GIN1: variants seen among roughly 807,000 people sequenced by gnomAD.
The protein encoded by GIN1 is gypsy retrotransposon integrase-like protein 1.
In GIN1, 41 loss-of-function variants were observed where a neutral mutation model predicts 51.4. That is an observed-to-expected ratio of 0.80 (90% CI 0.62 to 1.04). GIN1 has a LOEUF of 1.04. GIN1 is among the 50% of genes least tolerant of loss of function. GIN1 has a pLI of 0.00. For missense variants in GIN1, 610 were observed against 612.4 expected, an observed-to-expected ratio of 1.00 and a Z score of 0.04; for synonymous variants, 222 against 206.5, an observed-to-expected ratio of 1.07 and a Z score of -0.64.
At chr5:103,115,059 G>A (rs1787994024) in intron 1 of GIN1, among the ~76,000 whole-genome samples, 1 of 152,182 alleles carries the variant, frequency 6.6e-6, no homozygotes, top group South Asian at 2.1e-4. Context: ...AAGGCAAGGA[G>A]CTACAAGATA....
chr5:103,089,179 T>C (rs1554194250), intron 7 of GIN1, among the ~76,000 whole-genome samples: 1 of 152,196 alleles, frequency 6.6e-6, no homozygotes, highest in East Asian at 1.9e-4. Context: ...AGTGTTTTAT[T>C]GTATGTTGAG....
rs1554196320 is a variant in GIN1, at chr5:103,106,797, A to G, written c.252T>C (p.Ala84=). ...LRECHENDSG[A]HHGISRTLTL... ...TGAGGGTCCTGGATATACCATGATGAGCTCCACTGTCATTTTCATGGCATT... is the reference window on the plus strand; with the variant it reads ...TGAGGGTCCTGGATATACCATGATGGGCTCCACTGTCATTTTCATGGCATT... Residue 84 remains alanine, a synonymous_variant, in exon 3 of 8, where the codon GCT becomes GCC. Coordinates refer to ENST00000399004, the MANE Select transcript of GIN1 (RefSeq NM_017676.2). The G allele has an allele frequency of 1.2e-6, 2 of 1,603,602 alleles. No homozygotes were observed. Among genetic ancestry groups the G allele is most frequent in the South Asian group, 1.1e-5 (1 of 89,896 alleles).
At chr5:103,091,878 A>G (rs782296922) in intron 7 of GIN1, among the ~76,000 whole-genome samples, 8 of 152,058 alleles carry the variant, frequency 5.3e-5, no homozygotes, top group Non-Finnish European at 7.4e-5. Flanking sequence ...TACAAATATT[A>G]GCTGGGTGTG....
At chr5:103,093,887 A>C (rs1260537092) in intron 7 of GIN1, among the ~76,000 whole-genome samples, 2 of 152,212 alleles carry the variant, frequency 1.3e-5, no homozygotes, top group Non-Finnish European at 2.9e-5. Flanking sequence ...TAGCAATGAA[A>C]AATATTGTAT....
Position 103,088,062 on chromosome 5 carries a change from T to A in GIN1, c.1405A>T (p.Ile469Phe), listed in dbSNP as rs782679640. The A allele has an allele frequency of 2.5e-6, 4 of 1,610,608 alleles. No individual in the cohort carries two copies. In the African/African-American group the frequency reaches 5.3e-5, roughly 22 times the overall value. Residue 469 changes from isoleucine to phenylalanine, a missense_variant, in exon 8 of 8, where the codon ATT becomes TTT. By Grantham distance (21) the Ile-to-Phe change is conservative (BLOSUM62 0). Coordinates refer to ENST00000399004, the MANE Select transcript of GIN1 (RefSeq NM_017676.2). ...AGTAATTCATTATCGACTATACCAA[T>A]AGTTGCATCTTCCACCAGAATATTT... is the stretch of plus-strand genomic sequence containing the variant. ...QANILVEDAT[I>F]GIVDNELLTS...
chr5:103,098,741 G>A (rs909243758), intron 4 of GIN1, among the ~76,000 whole-genome samples: 1 of 152,190 alleles, frequency 6.6e-6, no homozygotes, highest in Non-Finnish European at 1.5e-5. Context: ...TTACAGGCAT[G>A]AGCCACTGTA....
chr5:103,106,632 C>G, intron 3 of GIN1, 84 bp downstream of exon 3: 1 of 802,234 alleles, frequency 1.2e-6, no homozygotes. Context: ...GAGGTGATAC[C>G]CAGAATAAAT....
Position 103,087,735 on chromosome 5 carries a change from T to C in GIN1, c.*163A>G, listed in dbSNP as rs999425782. The C allele has an allele frequency of 1.0e-5, 5 of 495,146 alleles. No homozygotes were observed. The highest frequency in any genetic ancestry group is 1.8e-5 in the Non-Finnish European group (5 of 282,984). 30.7% of individuals were successfully genotyped at this position (495,146 alleles called of 1,614,324 possible). A position where few individuals can be genotyped will look rare whatever the true frequency, so the allele number is the denominator to read the frequency against. ...GCCTTCATATGTACGTATACTGATA[T>C]TCAAATGTGGCATAATTTTAGATAA... is the stretch of plus-strand genomic sequence containing the variant. On this transcript the variant is annotated 3_prime_UTR_variant, in exon 8 of 8. Transcript: ENST00000399004.
chr5:103,087,902 C>T lies in GIN1; in HGVS notation c.1565G>A (p.Ser522Asn), dbSNP rs1787120374. 2.1e-6 allele frequency: 3 copies of T among 1,421,926 alleles called. No homozygotes were observed. Among genetic ancestry groups the T allele is most frequent in the Non-Finnish European group, 2.9e-6 (3 of 1,044,296 alleles). 88.1% of individuals were successfully genotyped at this position (1,421,926 alleles called of 1,614,324 possible). Residue 522 changes from serine (S) to asparagine (N), a missense_variant, in exon 8 of 8, where the codon AGT becomes AAT. Transcript: ENST00000399004. The part of the protein sequence containing the change: ...DSSNQVLEYL[S>N] The stretch of plus-strand genomic sequence containing the variant: ...TTAAATAAATTTTGGTATTTACTAA[C>T]TTAAGTATTCAAGAACCTGGTTTGA...
chr5:103,095,041 T>C (rs1787352840), intron 7 of GIN1, among the ~76,000 whole-genome samples: 1 of 152,238 alleles, frequency 6.6e-6, no homozygotes, highest in African/African-American at 2.4e-5. Context: ...ACATGGGCTT[T>C]AGAACTCAAG....
At position 103,108,254 on chromosome 5, in the gene GIN1, T is replaced by C. The variant is rs144646013; in HGVS notation, c.139+315A>G. Reference sequence around the variant, plus strand: ...GCATCAAAAAAGTTCCTCATTGAAATTGGCAACAGTGCTGGAAAGTGCACC... The same window carrying C: ...GCATCAAAAAAGTTCCTCATTGAAACTGGCAACAGTGCTGGAAAGTGCACC... On this transcript the variant is annotated intron_variant, in intron 2 of 7. Transcript: ENST00000399004. 2.2e-3 allele frequency among the ~76,000 whole-genome samples: 334 copies of C among 152,196 alleles called. 1 individual carries two copies. The highest frequency in any genetic ancestry group is 7.8e-3 in the African/African-American group (324 of 41,562).
At chr5:103,108,932 T>C (rs1787802270) in intron 1 of GIN1, among the ~76,000 whole-genome samples, 2 of 152,008 alleles carry the variant, frequency 1.3e-5, no homozygotes, top group Admixed American at 6.6e-5. Flanking sequence ...AATTATCTTG[T>C]CTCTTTCCAT....
intron 1 of GIN1, among the ~76,000 whole-genome samples, chr5:103,116,775 A>G (rs1029654658): frequency 6.6e-6 from 1 of 152,072 alleles, no homozygotes; most frequent in African/African-American, 2.4e-5. Flanking sequence ...CTGGAAATAC[A>G]CTTCACTAAA....
At chr5:103,091,713 GTGGCTCACGCCTATAATCCCAGGGGTC>G (rs1256862021) in intron 7 of GIN1, among the ~76,000 whole-genome samples, 1 of 151,496 alleles carries the variant, frequency 6.6e-6, no homozygotes, top group East Asian at 1.9e-4. Context: ...GCCAGGCATG[GTGGCTCACGCCTATAATCCCAGGGGTC>G]TCAGCCAGGC....
At chr5:103,112,030 T>G (rs1490487278) in intron 1 of GIN1, among the ~76,000 whole-genome samples, 1 of 150,266 alleles carries the variant, frequency 6.7e-6, no homozygotes, top group Non-Finnish European at 1.5e-5. Context: ...TAGATCGAAA[T>G]AGAGAAATTT....
intron 1 of GIN1, among the ~76,000 whole-genome samples, chr5:103,113,506 C>T (rs1438925963): frequency 6.6e-5 from 10 of 150,562 alleles, no homozygotes; most frequent in African/African-American, 2.4e-4. Context: ...AAGTCACCTC[C>T]TCAAAGTTCC....
At chr5:103,102,410 T>C (rs528645669) in intron 4 of GIN1, 4 of 152,294 alleles carry the variant, frequency 2.6e-5, no homozygotes, top group African/African-American at 4.8e-5. Context: ...GTTTCAACAT[T>C]AGATCAGGTT....
rs554275109 is a variant in GIN1, at chr5:103,092,120, T to A, written c.1295-3948A>T. ...TGCAGCTCAGTCTCCCGGGCTCAAG[T>A]GATCCTCTGCCTCAGCCCGCTAAGT... is the stretch of plus-strand genomic sequence containing the variant. On this transcript the variant is annotated intron_variant, in intron 7 of 7. Transcript: ENST00000399004. Among the ~76,000 whole-genome samples, 9 of 151,958 alleles carry A rather than the reference T, an allele frequency of 5.9e-5. No homozygotes were observed. In the East Asian group the frequency reaches 1.7e-3, roughly 29 times the overall value.
intron 1 of GIN1, among the ~76,000 whole-genome samples, chr5:103,111,745 T>C (rs1554196938): frequency 6.6e-6 from 1 of 152,168 alleles, no homozygotes; most frequent in East Asian, 1.9e-4. Context: ...TAATCCACAG[T>C]AGCTTCCGTA....
Sources: allele counts gnomAD v4.1 joint callset (sites outside exome capture counted in the v4.1 genomes callset), GRCh38; gene constraint gnomAD v4.1.1; transcripts MANE v1.5; gene names NCBI Gene and HGNC (gene_info 2026-07-23, HGNC 2026-07-21).